Variants in PRPF19 observed in about 807,000 individuals in gnomAD.
PRPF19 encodes pre-mRNA-processing factor 19.
A neutral mutation model predicts 64.2 loss-of-function variants in PRPF19; 2 were observed. That is an observed-to-expected ratio of 0.03 (90% CI 0.01 to 0.10). PRPF19 has a LOEUF of 0.10. Among genes scored for constraint, PRPF19 ranks in the 10% least tolerant of loss-of-function variants. The pLI is 1.00. For synonymous variants in PRPF19, 226 were observed against 251.6 expected, an observed-to-expected ratio of 0.90 and a Z score of 0.96; for missense variants, 314 against 650.0, an observed-to-expected ratio of 0.48 and a Z score of 5.62.
rs769105836 is a variant in PRPF19, at chr11:60,900,837, T to C, written c.718+17A>G. 1.2e-6 allele frequency: 2 copies of C among 1,614,116 alleles called. No individual in the cohort carries two copies. Among genetic ancestry groups the C allele is most frequent in the Admixed American group, 3.3e-5 (2 of 60,028 alleles). ...CCCTCCCCACTTTGGCCTGCCGGGC[T>C]AGGCCCAGACTCTCACCAGTGAGGA... On this transcript the variant is annotated intron_variant, in intron 9 of 15. Coordinates refer to ENST00000227524, the MANE Select transcript of PRPF19 (RefSeq NM_014502.5).
In PRPF19 at chr11:60,891,094, A is replaced by AC. The variant is rs56955516; in HGVS notation, c.*71dup. 4.3e-5 allele frequency: 7 copies of AC among 162,438 alleles called. No homozygotes were observed. The highest frequency in any genetic ancestry group is 1.7e-4 in the East Asian group (1 of 6,044). 10.1% of individuals were successfully genotyped at this position (162,438 alleles called of 1,614,324 possible). ...CCCCCTCCCCCCATAGATTCCCCCCACCCCCCCCCCCAAACCCTAATTCTA... is the reference window on the plus strand; with the variant it reads ...CCCCCTCCCCCCATAGATTCCCCCCACCCCCCCCCCCCAAACCCTAATTCTA... On this transcript the variant is annotated 3_prime_UTR_variant, in exon 16 of 16. Transcript: ENST00000227524.
chr11:60,901,653 AACT>A, intron 6 of PRPF19, 113 bp from the exon 7 acceptor site: 1 of 1,222,908 alleles, frequency 8.2e-7, no homozygotes, highest in Non-Finnish European at 1.2e-6. Context: ...GCTATCTGCC[AACT>A]TCTACGTTAC....
intron 3 of PRPF19, among the ~76,000 whole-genome samples, chr11:60,903,221 GCACTGTGCCAGA>G (rs1384244942): frequency 6.6e-6 from 1 of 152,076 alleles, no homozygotes; most frequent in Non-Finnish European, 1.5e-5. Flanking sequence ...GTTGTGTCAG[GCACTGTGCCAGA>G]CAGTCCTGCA....
intron 15 of PRPF19, 86 bp from the exon 16 acceptor site, chr11:60,891,349 A>T: frequency 1.0e-6 from 1 of 994,972 alleles, no homozygotes. Context: ...TTCCCAAACA[A>T]CCAGGCCTTC....
Position 60,902,695 on chromosome 11 carries a change from TG to T in PRPF19, c.389-40del. 6.2e-7 allele frequency: 1 copy of T among 1,614,110 alleles called. No homozygotes were observed. Among genetic ancestry groups the T allele is most frequent in the Non-Finnish European group, 8.5e-7 (1 of 1,180,024 alleles). On this transcript the variant is annotated intron_variant, in intron 4 of 15. Coordinates refer to ENST00000227524, the MANE Select transcript of PRPF19 (RefSeq NM_014502.5). The surrounding 1 kb of genome is among the most constrained non-coding windows in gnomAD (Gnocchi z 5.0). ...CGATGTTAGAAATGGGATATTACAA[TG>T]CAGAACCAGCCCAGGGTGGGGGATG... is the stretch of plus-strand genomic sequence containing the variant.
At chr11:60,894,987 T>C (rs573513357) in intron 15 of PRPF19, among the ~76,000 whole-genome samples, 1 of 152,346 alleles carries the variant, frequency 6.6e-6, no homozygotes. Context: ...CATCCAGACT[T>C]TGTTGTTCTA....
intron 1 of PRPF19, chr11:60,905,370 G>C (rs933577025): frequency 6.6e-6 from 1 of 152,194 alleles, no homozygotes; most frequent in Non-Finnish European, 1.5e-5. Flanking sequence ...GGTACTTTGC[G>C]AGCTGTAATT....
intron 15 of PRPF19, among the ~76,000 whole-genome samples, chr11:60,894,248 T>C (rs1284933961): frequency 6.6e-6 from 1 of 152,258 alleles, no homozygotes; most frequent in African/African-American, 2.4e-5. Context: ...TGCTGTTTGA[T>C]AGCATTTTAC....
chr11:60,897,526 G>A (rs1855935353), intron 15 of PRPF19: 5 of 240,518 alleles, frequency 2.1e-5, no homozygotes, highest in Admixed American at 1.0e-4. Flanking sequence ...GCATATGCAC[G>A]TAATTAAAAT....
intron 15 of PRPF19, among the ~76,000 whole-genome samples, chr11:60,893,684 G>A (rs1855888014): frequency 1.3e-5 from 2 of 152,094 alleles, no homozygotes; most frequent in East Asian, 3.9e-4. Flanking sequence ...GCCAGGCATG[G>A]TGGTTCATGC....
intron 1 of PRPF19, among the ~76,000 whole-genome samples, chr11:60,904,166 C>T (rs1856017053): frequency 6.6e-6 from 1 of 152,140 alleles, no homozygotes; most frequent in African/African-American, 2.4e-5. Context: ...CCATTATCAC[C>T]ACCTCATATC....
Position 60,899,155 on chromosome 11 carries a change from A to G in PRPF19, c.978T>C (p.Asp326=), listed in dbSNP as rs759836047. 8 of 1,612,134 alleles carry G rather than the reference A, an allele frequency of 5.0e-6. No homozygotes were observed. In the African/African-American group the frequency reaches 5.3e-5, roughly 11 times the overall value. ...GCACTGGCTGGGACCGCACCTGATC[A>G]TCGGAGGAGCTCAGGAGATAGTCGC... ...ATGDYLLSSS[D]DQYWAFSDIQ... Residue 326 remains aspartate, a synonymous_variant, in exon 11 of 16, where the codon GAT becomes GAC. Coordinates refer to ENST00000227524, the MANE Select transcript of PRPF19 (RefSeq NM_014502.5).
intron 1 of PRPF19, among the ~76,000 whole-genome samples, chr11:60,905,944 C>T (rs111339247): frequency 0.011 from 1,625 of 152,348 alleles, 30 homozygotes; most frequent in African/African-American, 0.037. Context: ...CGCAAAACAT[C>T]CACTGCAATG....
At chr11:60,897,986 G>C in intron 14 of PRPF19, 35 bp from the exon 15 acceptor site, 2 of 1,611,050 alleles carry the variant, frequency 1.2e-6, no homozygotes, top group Non-Finnish European at 1.7e-6. Context: ...GTCACACAAG[G>C]GGAACAGAAA....
chr11:60,901,584 G>A, intron 6 of PRPF19, 44 bp from the exon 7 acceptor site: 2 of 1,610,162 alleles, frequency 1.2e-6, no homozygotes, highest in Non-Finnish European at 1.7e-6. Context: ...ATCTTGCAAG[G>A]AGAAAAGTAC....
chr11:60,892,953 C>T (rs962389655), intron 15 of PRPF19, among the ~76,000 whole-genome samples: 9 of 151,842 alleles, frequency 5.9e-5, no homozygotes, highest in African/African-American at 2.2e-4. Context: ...CTTGTGTCAC[C>T]ACCACCCCCT....
chr11:60,897,821 C>A (rs1369107757), intron 15 of PRPF19, 25 bp downstream of exon 15: 3 of 1,602,900 alleles, frequency 1.9e-6, no homozygotes, highest in Admixed American at 1.7e-5. Flanking sequence ...TAGAGAGATC[C>A]CAGGAGCCCA....
At chr11:60,904,005 T>C in intron 1 of PRPF19, 144 bp from the exon 2 acceptor site, 1 of 953,468 alleles carries the variant, frequency 1.0e-6, no homozygotes, top group African/African-American at 1.7e-5. Flanking sequence ...AAGCCAGTTC[T>C]GTACTGGCCC....
chr11:60,898,925 C>A lies in PRPF19; in HGVS notation c.991G>T (p.Ala331Ser). The A allele has an allele frequency of 1.3e-6, 2 of 1,597,466 alleles. No individual in the cohort carries two copies. The highest frequency in any genetic ancestry group is 8.5e-7 in the Non-Finnish European group (1 of 1,171,398). ...CGCCCTGTCTGGATGTCAGAGAAAG[C>A]CCAGTACTGGGGAAAAAAAAAGAGA... is the stretch of plus-strand genomic sequence containing the variant. ...LLSSSDDQYW[A>S]FSDIQTGRVL... The change falls in exon 12 of 16, where the codon GCT becomes TCT. Residue 331 changes from alanine to serine, a missense_variant. Physicochemically the swap from Ala to Ser is moderately conservative, Grantham distance 99. Around this residue, in one of 7 missense-constraint regions of PRPF19, gnomAD observed 175 missense variants for 342.9 expected, o/e 0.51. Transcript: ENST00000227524. This position sits in a 1 kb window ranked among gnomAD's most constrained non-coding sequence, Gnocchi z 4.6.
Sources: gnomAD v4.1 joint callset for allele counts (sites outside exome capture counted in the v4.1 genomes callset) on GRCh38, gnomAD v4.1.1 for gene constraint, gnomAD v4.1.1 regional missense constraint, Gnocchi (gnomAD v3.1) non-coding constraint, MANE v1.5 for transcripts, NCBI Gene and HGNC (gene_info 2026-07-23, HGNC 2026-07-21) for gene names.